Variants in ZNF385C observed in about 807,000 individuals in gnomAD.
ZNF385C encodes the protein zinc finger protein 385C.
In ZNF385C, 28 loss-of-function variants were observed where a neutral mutation model predicts 35.4. That is an observed-to-expected ratio of 0.79 (90% CI 0.59 to 1.08). The LOEUF is 1.08. Ranked by LOEUF, ZNF385C falls within the 50% of genes least tolerant of loss-of-function variation. The pLI is 0.00. For synonymous variants in ZNF385C, 248 were observed against 248.2 expected (o/e 1.00, Z 0.01); for missense variants, 605 against 595.6 (o/e 1.02, Z -0.16).
chr17:42,058,545 A>G (rs534934502), intron 2 of ZNF385C, among the ~76,000 whole-genome samples: 3 of 152,338 alleles, frequency 2.0e-5, no homozygotes, highest in Admixed American at 6.5e-5. Flanking sequence ...GGAGAGGGGC[A>G]CACTGGCCTA....
intron 5 of ZNF385C, among the ~76,000 whole-genome samples, chr17:42,031,017 T>C (rs1161049179): frequency 2.0e-5 from 3 of 151,138 alleles, no homozygotes; most frequent in Non-Finnish European, 4.4e-5. Flanking sequence ...TAAATTTTTG[T>C]TGTTTTCAGT....
intron 1 of ZNF385C, among the ~76,000 whole-genome samples, chr17:42,084,966 G>A (rs1412115170): frequency 1.3e-5 from 2 of 151,578 alleles, no homozygotes; most frequent in African/African-American, 4.8e-5. Context: ...ATACAGATAT[G>A]TTATTTATAT....
At chr17:42,038,539 A>G (rs1465386841) in intron 2 of ZNF385C, 1 of 153,170 alleles carries the variant, frequency 6.5e-6, no homozygotes, top group Non-Finnish European at 1.5e-5. Context: ...TTTGGTCTTA[A>G]AGGTCTGAGG....
rs2053906715 is a variant in ZNF385C, at chr17:42,095,318, G to A, written c.-3+3092C>T. The stretch of plus-strand genomic sequence containing the variant: ...CCGCTGGGGATGACCCCCGCCGCCT[G>A]GCCAGCTGACCCCACAGTCTCCCCT... On this transcript the variant is annotated intron_variant, in intron 1 of 8. Coordinates refer to ENST00000692273, the MANE Select transcript of ZNF385C (RefSeq NM_001392013.1). This position sits in a 1 kb window ranked among gnomAD's most constrained non-coding sequence, Gnocchi z 4.4. 6.6e-6 allele frequency among the ~76,000 whole-genome samples: 1 copy of A among 152,114 alleles called. No individual in the cohort carries two copies. Among genetic ancestry groups the A allele is most frequent in the Admixed American group, 6.5e-5 (1 of 15,274 alleles).
At chr17:42,083,450 ACC>A (rs1434528162) in intron 1 of ZNF385C, among the ~76,000 whole-genome samples, 1 of 151,512 alleles carries the variant, frequency 6.6e-6, no homozygotes, top group African/African-American at 2.4e-5. Context: ...CTCATGATCC[ACC>A]CACCTCGGCC....
chr17:42,081,978 G>T lies in ZNF385C; in HGVS notation c.-3+16432C>A, dbSNP rs139723020. Among the ~76,000 whole-genome samples the T allele has an allele frequency of 2.1e-3, 314 of 152,282 alleles. 3 individuals are homozygous for T. Among genetic ancestry groups the T allele is most frequent in the African/African-American group, 6.7e-3 (277 of 41,542 alleles). On this transcript the variant is annotated intron_variant, in intron 1 of 8. Coordinates refer to ENST00000692273, the MANE Select transcript of ZNF385C (RefSeq NM_001392013.1). ...GCTCTCAGAGTCTTCCTCACACTGA[G>T]CCTGGCCACACTGCATGGGACCACC... is the stretch of plus-strand genomic sequence containing the variant.
intron 1 of ZNF385C, among the ~76,000 whole-genome samples, chr17:42,077,924 C>T (rs189301029): frequency 1.3e-5 from 2 of 152,234 alleles, no homozygotes; most frequent in Admixed American, 6.5e-5. Flanking sequence ...GTGCCCAGGG[C>T]GGCTCCCCAC....
intron 2 of ZNF385C, chr17:42,061,376 A>G (rs1469968831): frequency 2.0e-5 from 3 of 151,666 alleles, no homozygotes; most frequent in African/African-American, 7.3e-5. Flanking sequence ...GTGTGCCACC[A>G]TACCTGGCTA....
chr17:42,044,553 T>C (rs1358920291), intron 2 of ZNF385C, among the ~76,000 whole-genome samples: 11 of 150,556 alleles, frequency 7.3e-5, no homozygotes, highest in African/African-American at 2.7e-4. Context: ...GAGGCGGAGG[T>C]TGCAGTGAGC....
chr17:42,063,027 C>T lies in ZNF385C; in HGVS notation c.30G>A (p.Pro10=), dbSNP rs782732616. 1.8e-5 allele frequency: 12 copies of T among 668,732 alleles called. No individual in the cohort carries two copies. The highest frequency in any genetic ancestry group is 1.1e-4 in the African/African-American group (6 of 55,398). 41.4% of individuals were successfully genotyped at this position (668,732 alleles called of 1,614,324 possible). A position where few individuals can be genotyped will look rare whatever the true frequency, so the allele number is the denominator to read the frequency against. The change falls in exon 2 of 9, where the codon CCG becomes CCA. Residue 10 remains proline (P), a synonymous_variant. Transcript: ENST00000692273. MKRPLSPPP[P]AEKETPISGA... ...CAGATATGGGGGTCTCCTTCTCAGCCGGTGGGGGTGGGCTCAGTGGCCGCT... is the reference window on the plus strand; with the variant it reads ...CAGATATGGGGGTCTCCTTCTCAGCTGGTGGGGGTGGGCTCAGTGGCCGCT...
rs966654387 is a variant in ZNF385C at position 42,050,993 on chromosome 17, A to G, written c.250+11814T>C. 6.6e-6 allele frequency among the ~76,000 whole-genome samples: 1 copy of G among 152,104 alleles called. No homozygotes were observed. Among genetic ancestry groups the G allele is most frequent in the African/African-American group, 2.4e-5 (1 of 41,426 alleles). ...TGGGATCACGAAGGAGCGGGCGACC[A>G]GCTGAAGGTCTGCAGGGCGGGTCAA... On this transcript the variant is annotated intron_variant, in intron 2 of 8. Coordinates refer to ENST00000692273, the MANE Select transcript of ZNF385C (RefSeq NM_001392013.1). The surrounding 1 kb of genome is among the most constrained non-coding windows in gnomAD (Gnocchi z 5.6).
At position 42,025,690 on chromosome 17, in the gene ZNF385C, T is replaced by C. The variant is rs1017069390; in HGVS notation, c.*1207A>G. The C allele has an allele frequency of 6.6e-6, 1 of 152,276 alleles. No homozygotes were observed. The highest frequency in any genetic ancestry group is 1.5e-5 in the Non-Finnish European group (1 of 67,942). The allele number at this position is 152,276 out of a possible 1,614,324, so 9.4% of individuals were successfully genotyped here. On this transcript the variant is annotated 3_prime_UTR_variant, in exon 9 of 9. Transcript: ENST00000692273. ...CTGGTTCTCCCATTGGAAATGTCTT[T>C]AAAAAACAAAAAAAAGATACAGGGG...
At position 42,097,009 on chromosome 17, in the gene ZNF385C, C is replaced by G. The variant is rs531631435; in HGVS notation, c.-3+1401G>C. ...AAAAAAAAAAACCCTTCCACTCCCC[C>G]CTCCCCTGCTCGCTCTCACTCCCTG... On this transcript the variant is annotated intron_variant, in intron 1 of 8. Transcript: ENST00000692273. Among the ~76,000 whole-genome samples, 40 of 151,988 alleles carry G rather than the reference C, an allele frequency of 2.6e-4. No individual in the cohort carries two copies. The South Asian group carries it at 3.1e-3, about 12-fold the overall frequency.
intron 2 of ZNF385C, among the ~76,000 whole-genome samples, chr17:42,046,786 A>C (rs1454160266): frequency 6.6e-6 from 1 of 152,164 alleles, no homozygotes; most frequent in African/African-American, 2.4e-5. Flanking sequence ...ACATTAAAAA[A>C]GAAATGAATG....
chr17:42,049,389 T>C (rs1421694425), intron 2 of ZNF385C, among the ~76,000 whole-genome samples: 4 of 152,198 alleles, frequency 2.6e-5, no homozygotes, highest in African/African-American at 9.7e-5. Context: ...GCACGTTCCC[T>C]GAGGGCAGGA....
chr17:42,073,055 G>C (rs2053647352), intron 1 of ZNF385C, among the ~76,000 whole-genome samples: 1 of 152,204 alleles, frequency 6.6e-6, no homozygotes, highest in African/African-American at 2.4e-5. Flanking sequence ...TGGACCACCT[G>C]CTGGGTGCCA....
chr17:42,027,911 C>A, intron 7 of ZNF385C, 139 bp downstream of exon 7: 1 of 1,263,050 alleles, frequency 7.9e-7, no homozygotes, highest in South Asian at 1.4e-5. Context: ...CCTTAATTGG[C>A]CCACTGGCCT....
intron 1 of ZNF385C, among the ~76,000 whole-genome samples, chr17:42,073,902 C>T (rs1215894625): frequency 6.6e-6 from 1 of 152,208 alleles, no homozygotes; most frequent in African/African-American, 2.4e-5. Flanking sequence ...TGGTGGGGAG[C>T]CTCAGGGATG....
At chr17:42,064,341 G>A (rs2053516981) in intron 1 of ZNF385C, among the ~76,000 whole-genome samples, 1 of 152,198 alleles carries the variant, frequency 6.6e-6, no homozygotes, top group Non-Finnish European at 1.5e-5. Flanking sequence ...AGCAAGATCT[G>A]TGTCCCTCCC....
Sources: allele counts gnomAD v4.1 joint callset (sites outside exome capture counted in the v4.1 genomes callset), GRCh38; gene constraint gnomAD v4.1.1; non-coding constraint Gnocchi (gnomAD v3.1); transcripts MANE v1.5; gene names NCBI Gene and HGNC (gene_info 2026-07-23, HGNC 2026-07-21).